Variants in CCNH observed in about 807,000 individuals in gnomAD.
The protein encoded by CCNH is cyclin-H.
Under a neutral mutation model 41.9 loss-of-function variants are expected in CCNH, and 31 were observed. That is an observed-to-expected ratio of 0.74 (90% CI 0.56 to 1.00). CCNH has a LOEUF of 1.00. CCNH is among the 50% of genes least tolerant of loss of function. The pLI is 0.00. For synonymous variants in CCNH, 138 were observed against 136.1 expected, an observed-to-expected ratio of 1.01 and a Z score of -0.10; for missense variants, 362 against 388.4, an observed-to-expected ratio of 0.93 and a Z score of 0.57.
intron 9 of CCNH, among the ~76,000 whole-genome samples, chr5:87,327,075 A>T (rs936128420): frequency 6.6e-5 from 10 of 152,278 alleles, no homozygotes; most frequent in African/African-American, 2.2e-4. Flanking sequence ...TACTGGTTTG[A>T]TATTAATTAA....
At chr5:87,349,168 T>A in intron 9 of CCNH, 4 of 1,600,868 alleles carry the variant, frequency 2.5e-6, no homozygotes, top group Non-Finnish European at 3.4e-6. Context: ...CATCTTTTCT[T>A]TTTTATTTGA....
chr5:87,350,489 AT>A (rs1264353451), intron 9 of CCNH, among the ~76,000 whole-genome samples: 5 of 151,862 alleles, frequency 3.3e-5, no homozygotes, highest in African/African-American at 9.7e-5. Flanking sequence ...TAAAGATAAA[AT>A]AATTTACATG....
At chr5:87,319,341 C>T (rs897479692) in intron 9 of CCNH, among the ~76,000 whole-genome samples, 1 of 152,252 alleles carries the variant, frequency 6.6e-6, no homozygotes, top group African/African-American at 2.4e-5. Flanking sequence ...ACATTTCCCC[C>T]TCTGCACTGC....
In CCNH at chr5:87,365,384, G is replaced by A. The variant is rs142092298; in HGVS notation, c.*90+27386C>T. Among the ~76,000 whole-genome samples the A allele has an allele frequency of 3.3e-3, 501 of 152,156 alleles. 4 individuals carry two copies. Among genetic ancestry groups the A allele is most frequent in the African/African-American group, 0.012 (479 of 41,542 alleles). ...AGCTCTTTATAGTGGCTATACCTCA[G>A]TACTTCCTACTTTCTTGTTCAATCA... On this transcript the variant is annotated intron_variant and NMD_transcript_variant, in intron 9 of 9. Transcript: ENST00000645953.
downstream of CCNH, chr5:87,392,399 C>T: frequency 2.2e-6 from 1 of 454,534 alleles, no homozygotes; most frequent in Non-Finnish European, 4.4e-6. Flanking sequence ...AAAATCTCAA[C>T]ATGTCCCATG....
At chr5:87,368,538 C>T (rs893575594) in intron 9 of CCNH, among the ~76,000 whole-genome samples, 6 of 152,088 alleles carry the variant, frequency 3.9e-5, no homozygotes, top group Non-Finnish European at 7.4e-5. Flanking sequence ...GTTATTGCGT[C>T]CAGAAAGAAT....
At chr5:87,403,252 T>C (rs1763548569) in intron 5 of CCNH, among the ~76,000 whole-genome samples, 2 of 146,422 alleles carry the variant, frequency 1.4e-5, no homozygotes, top group African/African-American at 2.5e-5. Flanking sequence ...AAAGGCCCAA[T>C]GTCTAGTCTC....
intron 1 of CCNH, 105 bp from the exon 2 acceptor site, chr5:87,411,451 A>T: frequency 9.5e-7 from 1 of 1,058,084 alleles, no homozygotes; most frequent in Non-Finnish European, 1.3e-6. Context: ...TATCCAACGA[A>T]GGGTATATAT....
intron 9 of CCNH, among the ~76,000 whole-genome samples, chr5:87,348,687 G>T (rs971581658): frequency 6.6e-6 from 1 of 150,974 alleles, no homozygotes; most frequent in Non-Finnish European, 1.5e-5. Context: ...GTCCAGGCTG[G>T]TATCAAACTC....
downstream of CCNH, chr5:87,390,742 A>C: frequency 7.0e-7 from 1 of 1,423,600 alleles, no homozygotes. Flanking sequence ...CCAGGTTCCC[A>C]TCCTGAAATT....
At chr5:87,359,579 T>C (rs1268038604) in intron 9 of CCNH, among the ~76,000 whole-genome samples, 1 of 152,194 alleles carries the variant, frequency 6.6e-6, no homozygotes, top group East Asian at 1.9e-4. Context: ...TTACATGTCT[T>C]AAATGACAGA....
At chr5:87,342,841 A>T (rs1445847164) in intron 9 of CCNH, among the ~76,000 whole-genome samples, 2 of 152,154 alleles carry the variant, frequency 1.3e-5, no homozygotes, top group African/African-American at 4.8e-5. Flanking sequence ...AGGTTTTTTT[A>T]TTTTAGATAA....
chr5:87,410,771 TA>T (rs1215170011), intron 2 of CCNH, among the ~76,000 whole-genome samples: 1 of 152,156 alleles, frequency 6.6e-6, no homozygotes, highest in East Asian at 1.9e-4. Context: ...TCACCAAAGA[TA>T]AAACTCCAGC....
chr5:87,331,464 C>G lies in CCNH; in HGVS notation c.*91-12567G>C, dbSNP rs1554044823. 6.2e-7 allele frequency: 1 copy of G among 1,613,870 alleles called. No individual in the cohort carries two copies. The highest frequency in any genetic ancestry group is 8.5e-7 in the Non-Finnish European group (1 of 1,179,844). On this transcript the variant is annotated intron_variant and NMD_transcript_variant, in intron 9 of 9. Coordinates refer to the CCNH transcript ENST00000645953. ...CGGAGGCCAGGGTCCTTTGTACTTTCATTTCTTAGCCAGATGAATGTTGTC... is the reference window on the plus strand; with the variant it reads ...CGGAGGCCAGGGTCCTTTGTACTTTGATTTCTTAGCCAGATGAATGTTGTC...
intron 4 of CCNH, 45 bp from the exon 5 acceptor site, chr5:87,405,052 T>A: frequency 1.4e-6 from 2 of 1,422,448 alleles, no homozygotes; most frequent in South Asian, 2.4e-5. Context: ...AGGGTTTAAA[T>A]GGAGTATAAC....
rs991029477 is a variant in CCNH, at chr5:87,337,917, T to C, written c.*91-19020A>G. On this transcript the variant is annotated intron_variant and NMD_transcript_variant, in intron 9 of 9. Transcript: ENST00000645953. ...ATCCTATTTTGTGGTATATGACTAT[T>C]CTAATCTCTGTATTTAAAATTTTTA... The C allele has an allele frequency of 1.3e-5, 20 of 1,504,852 alleles. No individual in the cohort carries two copies. The African/African-American group carries it at 1.7e-4, about 13-fold the overall frequency. 93.2% of individuals were successfully genotyped at this position (1,504,852 alleles called of 1,614,324 possible).
chr5:87,354,439 T>C (rs539418464), intron 9 of CCNH, among the ~76,000 whole-genome samples: 1 of 152,296 alleles, frequency 6.6e-6, no homozygotes, highest in African/African-American at 2.4e-5. Context: ...TCTTTAATGT[T>C]ACTATTGCAA....
intron 9 of CCNH, among the ~76,000 whole-genome samples, chr5:87,334,362 A>G (rs1161247035): frequency 6.6e-6 from 1 of 152,182 alleles, no homozygotes; most frequent in Non-Finnish European, 1.5e-5. Context: ...TCAGACCCTC[A>G]GTGAATTGGA....
At chr5:87,346,795 ATG>A in intron 9 of CCNH, 1 of 1,229,844 alleles carries the variant, frequency 8.1e-7, no homozygotes, top group Non-Finnish European at 1.2e-6. Flanking sequence ...ACCATTTATC[ATG>A]TGTTTTGCCT....
Sources: allele counts gnomAD v4.1 joint callset (sites outside exome capture counted in the v4.1 genomes callset), GRCh38; gene constraint gnomAD v4.1.1; transcripts MANE v1.5; gene names NCBI Gene and HGNC (gene_info 2026-07-23, HGNC 2026-07-21).